SPNS3: variants seen among roughly 807,000 people sequenced by gnomAD.
SPNS3 encodes protein spinster homolog 3.
A neutral mutation model predicts 54.4 loss-of-function variants in SPNS3; 51 were observed. The ratio of observed to expected loss-of-function variants is 0.94; its 90% CI spans 0.75 to 1.18. SPNS3 has a LOEUF of 1.18. Ranked by LOEUF, SPNS3 falls within the 50% of genes most tolerant of loss-of-function variation. SPNS3 has a pLI of 0.00. For synonymous variants in SPNS3, 309 were observed against 294.7 expected, an observed-to-expected ratio of 1.05 and a Z score of -0.50; for missense variants, 669 against 677.4, an observed-to-expected ratio of 0.99 and a Z score of 0.14.
At position 4,486,596 on chromosome 17, in the gene SPNS3, T is replaced by C. The variant is rs774239995; in HGVS notation, c.1450+13T>C. 3.7e-6 allele frequency: 6 copies of C among 1,602,214 alleles called. No individual in the cohort carries two copies. The highest frequency in any genetic ancestry group is 1.3e-5 in the African/African-American group (1 of 74,640). On this transcript the variant is annotated intron_variant, in intron 11 of 11. Transcript: ENST00000355530. The surrounding 1 kb of genome is among the most constrained non-coding windows in gnomAD (Gnocchi z 5.5). ...CAGCCTGTCACAGGTACCCTACCCA[T>C]TGCACCAGGCCCGGCTCAGGGCCGG...
chr17:4,463,527 A>C (rs1304670151), intron 8 of SPNS3, among the ~76,000 whole-genome samples: 1 of 152,026 alleles, frequency 6.6e-6, no homozygotes, highest in African/African-American at 2.4e-5. Context: ...CATGAGTTCG[A>C]GACCAGCCTG....
At chr17:4,440,574 C>T (rs997684917) in intron 2 of SPNS3, among the ~76,000 whole-genome samples, 4 of 152,146 alleles carry the variant, frequency 2.6e-5, no homozygotes, top group African/African-American at 9.7e-5. Context: ...AATGACCTGC[C>T]TGAGGGGGAG....
intron 8 of SPNS3, among the ~76,000 whole-genome samples, chr17:4,477,118 TC>T (rs1972023091): frequency 1.3e-5 from 2 of 151,756 alleles, no homozygotes; most frequent in Non-Finnish European, 2.9e-5. Flanking sequence ...ACTCCCCTCT[TC>T]CCCCCGTGGC....
intron 8 of SPNS3, among the ~76,000 whole-genome samples, chr17:4,465,272 G>A (rs1418706904): frequency 2.0e-5 from 3 of 152,204 alleles, no homozygotes; most frequent in Non-Finnish European, 4.4e-5. Flanking sequence ...CATGGTGGCC[G>A]GGTTAAACAA....
At chr17:4,481,883 TC>T (rs35618547) in intron 9 of SPNS3, 71,790 of 147,530 alleles carry the variant, frequency 0.49, 20,746 homozygotes, top group African/African-American at 0.82. Context: ...GCTCTCTCTC[TC>T]TCTTTTTTTT....
At chr17:4,441,388 T>A (rs1052682077) in intron 2 of SPNS3, among the ~76,000 whole-genome samples, 2 of 150,834 alleles carry the variant, frequency 1.3e-5, no homozygotes, top group African/African-American at 4.9e-5. Flanking sequence ...GACAAAAGAG[T>A]TACGTGAGCA....
rs565937078 is a variant in SPNS3, at chr17:4,457,130, G to A, written c.1113+3925G>A. 8.3e-4 allele frequency among the ~76,000 whole-genome samples: 126 copies of A among 152,336 alleles called. 2 individuals are homozygous for A. In the South Asian group the frequency reaches 0.025, roughly 31 times the overall value. ...CACCTGGCTGGGTGCAGTGGCTGACGTCTGGAATCCCAGTATTTTGGGAGG... is the reference window on the plus strand; with the variant it reads ...CACCTGGCTGGGTGCAGTGGCTGACATCTGGAATCCCAGTATTTTGGGAGG... On this transcript the variant is annotated intron_variant, in intron 8 of 11. Coordinates refer to ENST00000355530, the MANE Select transcript of SPNS3 (RefSeq NM_182538.5).
At chr17:4,455,917 TG>T (rs10531598) in intron 8 of SPNS3, among the ~76,000 whole-genome samples, 89 of 150,844 alleles carry the variant, frequency 5.9e-4, no homozygotes, top group African/African-American at 1.6e-3. Context: ...CTGCCCTCTG[TG>T]GGGGGGGGGT....
At chr17:4,450,090 G>GA (rs1971117053) in intron 7 of SPNS3, among the ~76,000 whole-genome samples, 1 of 151,204 alleles carries the variant, frequency 6.6e-6, no homozygotes, top group Non-Finnish European at 1.5e-5. Flanking sequence ...CTGCTCTCCA[G>GA]CCTCCTTGCA....
chr17:4,487,270 T>C (rs954104251), intron 11 of SPNS3, among the ~76,000 whole-genome samples: 4 of 144,444 alleles, frequency 2.8e-5, no homozygotes, highest in Admixed American at 7.0e-5. Context: ...AACGAGGGAG[T>C]GAGCCGTTCA....
chr17:4,440,483 T>G (rs1303111694), intron 2 of SPNS3, among the ~76,000 whole-genome samples: 1 of 152,198 alleles, frequency 6.6e-6, no homozygotes, highest in Non-Finnish European at 1.5e-5. Context: ...CACAGTCACT[T>G]TCCAGGGGTT....
intron 8 of SPNS3, among the ~76,000 whole-genome samples, chr17:4,464,635 C>G (rs1007606886): frequency 1.3e-5 from 2 of 152,196 alleles, no homozygotes; most frequent in Non-Finnish European, 2.9e-5. Context: ...CTCTTTACCT[C>G]TCGGCTTCAT....
intron 8 of SPNS3, among the ~76,000 whole-genome samples, chr17:4,453,715 G>GTCC (rs1971232105): frequency 6.6e-6 from 1 of 152,188 alleles, no homozygotes; most frequent in Non-Finnish European, 1.5e-5. Context: ...TGTAAAAGGT[G>GTCC]TCCTCTGAGC....
At chr17:4,434,952 AC>A (rs1329704618) in intron 1 of SPNS3, among the ~76,000 whole-genome samples, 1 of 151,270 alleles carries the variant, frequency 6.6e-6, no homozygotes, top group Non-Finnish European at 1.5e-5. Context: ...ACAGGCGCAT[AC>A]CACCATGCCA....
chr17:4,470,814 A>G (rs950960618), intron 8 of SPNS3, among the ~76,000 whole-genome samples: 1 of 152,150 alleles, frequency 6.6e-6, no homozygotes, highest in African/African-American at 2.4e-5. Flanking sequence ...CTAGCTATGA[A>G]AGAGGACACC....
At chr17:4,460,556 C>T (rs1166715253) in intron 8 of SPNS3, among the ~76,000 whole-genome samples, 7 of 151,070 alleles carry the variant, frequency 4.6e-5, no homozygotes, top group Admixed American at 6.6e-5. Flanking sequence ...CTCAGCCTCC[C>T]GAGTAGCTGG....
chr17:4,444,908 C>G (rs1269058568), intron 2 of SPNS3, 124 bp from the exon 3 acceptor site: 3 of 1,161,198 alleles, frequency 2.6e-6, no homozygotes, highest in Non-Finnish European at 3.7e-6. Flanking sequence ...TCCTCATACC[C>G]TGGGCCCACT....
At chr17:4,461,541 T>C (rs1013350239) in intron 8 of SPNS3, among the ~76,000 whole-genome samples, 2 of 151,900 alleles carry the variant, frequency 1.3e-5, no homozygotes, top group African/African-American at 4.8e-5. Context: ...CTGTTGAGAA[T>C]AGACCTGGGG....
intron 8 of SPNS3, among the ~76,000 whole-genome samples, chr17:4,459,670 GC>G (rs1971442238): frequency 6.6e-6 from 1 of 151,654 alleles, no homozygotes; most frequent in South Asian, 2.1e-4. Context: ...CTGAGATTGC[GC>G]CATTGCACTC....
Sources: allele counts gnomAD v4.1 joint callset (sites outside exome capture counted in the v4.1 genomes callset), GRCh38; gene constraint gnomAD v4.1.1; non-coding constraint Gnocchi (gnomAD v3.1); transcripts MANE v1.5; gene names NCBI Gene and HGNC (gene_info 2026-07-23, HGNC 2026-07-21).